Variants in TUSC3 observed in about 807,000 individuals in gnomAD.
TUSC3 encodes dolichyl-diphosphooligosaccharide--protein glycosyltransferase subunit TUSC3.
TUSC3 carries 45 observed loss-of-function variants against 44.8 expected under a neutral mutation model. The ratio of observed to expected loss-of-function variants is 1.00; its 90% confidence interval spans 0.79 to 1.29. The LOEUF (loss-of-function observed/expected upper bound fraction) is 1.29. TUSC3 is among the 50% of genes most tolerant of loss of function. The probability of loss-of-function intolerance (pLI) is 0.00; values close to 1 mark genes in which losing one functional copy is unlikely to be tolerated. For missense variants in TUSC3, 519 were observed against 437.9 expected, an observed-to-expected ratio of 1.19 and a Z score of -1.65; for synonymous variants, 212 against 152.9, an observed-to-expected ratio of 1.39 and a Z score of -2.85.
intron 2 of TUSC3, among the ~76,000 whole-genome samples, chr8:15,624,187 A>G (rs1464108450): frequency 6.6e-6 from 1 of 152,220 alleles, no homozygotes; most frequent in Non-Finnish European, 1.5e-5. Flanking sequence ...ATGTTCCATT[A>G]TATGGATGTA....
At chr8:15,776,621 C>G in the TUSC3 span, among the ~76,000 whole-genome samples, 1 of 152,064 alleles carries the variant, frequency 6.6e-6, no homozygotes, top group Non-Finnish European at 1.5e-5. Flanking sequence ...TGTGCTAGAT[C>G]CTCGAATCAA....
chr8:15,848,135 G>C, the TUSC3 span, among the ~76,000 whole-genome samples: 9 of 152,050 alleles, frequency 5.9e-5, no homozygotes, highest in Admixed American at 5.9e-4. Context: ...TTCCCCCCGA[G>C]TGAAGTAAGC....
At chr8:15,681,685 T>G (rs894269819) in intron 6 of TUSC3, among the ~76,000 whole-genome samples, 2 of 152,106 alleles carry the variant, frequency 1.3e-5, no homozygotes, top group African/African-American at 2.4e-5. Context: ...TATGCTCTGA[T>G]TTTAGTTATT....
At chr8:15,640,488 A>G (rs925955584) in intron 2 of TUSC3, among the ~76,000 whole-genome samples, 4 of 152,322 alleles carry the variant, frequency 2.6e-5, no homozygotes, top group Middle Eastern at 3.4e-3. Context: ...CAACCTTTTA[A>G]TAATTCTGAA....
chr8:15,487,899 A>ATT (rs11307186), intron 2 of TUSC3, among the ~76,000 whole-genome samples: 98 of 138,354 alleles, frequency 7.1e-4, no homozygotes, highest in South Asian at 2.5e-3. Context: ...TGTGCTGGCA[A>ATT]TTTTTTTTTT....
At position 15,591,542 on chromosome 8, in the gene TUSC3, A is replaced by C. The variant is rs10216449; in HGVS notation, c.139-31538A>C. ...AATTCTAGTAGAAGACAGAAGTATC[A>C]AGCGAGTAAGCATACAGTTAAATGT... On this transcript the variant is annotated intron_variant, in intron 1 of 10. Transcript: ENST00000503731. Among the ~76,000 whole-genome samples, 523 of 152,382 alleles carry C rather than the reference A, an allele frequency of 3.4e-3. 6 individuals are homozygous for C. Among genetic ancestry groups the C allele is most frequent in the African/African-American group, 0.012 (503 of 41,592 alleles).
chr8:15,614,844 A>G (rs965275850), intron 1 of TUSC3, among the ~76,000 whole-genome samples: 2 of 151,362 alleles, frequency 1.3e-5, no homozygotes, highest in African/African-American at 2.4e-5. Context: ...TATGAAACAG[A>G]CTCCTTGGGT....
intron 2 of TUSC3, 25 bp from the exon 3 acceptor site, chr8:15,650,672 T>C: frequency 6.2e-7 from 1 of 1,601,908 alleles, no homozygotes; most frequent in Non-Finnish European, 8.6e-7. Context: ...GATGTGTTTC[T>C]ACTATGGCCC....
At chr8:15,801,071 T>G in the TUSC3 span, among the ~76,000 whole-genome samples, 1 of 152,154 alleles carries the variant, frequency 6.6e-6, no homozygotes, top group African/African-American at 2.4e-5. Context: ...GTTTGTAAAG[T>G]GAAAGCAAGT....
chr8:15,540,583 C>A lies in TUSC3; in HGVS notation c.138+15C>A. 6.4e-7 allele frequency: 1 copy of A among 1,551,564 alleles called. No homozygotes were observed. ...AGAAAAAGGAGGTAGAATGGATCCC[C>A]TTGGCCTTCCCCTGTGGGCGGGGGC... is the stretch of plus-strand genomic sequence containing the variant. On this transcript the variant is annotated intron_variant, in intron 1 of 10. Transcript: ENST00000503731.
At chr8:15,622,806 C>G (rs904816569) in intron 1 of TUSC3, among the ~76,000 whole-genome samples, 1 of 143,264 alleles carries the variant, frequency 7.0e-6, no homozygotes, top group Admixed American at 6.9e-5. Flanking sequence ...TTTTCTTGAG[C>G]CTTCTTTTTT....
chr8:15,730,167 A>G (rs1299128990), intron 6 of TUSC3, among the ~76,000 whole-genome samples: 1 of 152,126 alleles, frequency 6.6e-6, no homozygotes, highest in Non-Finnish European at 1.5e-5. Flanking sequence ...ACTACTCAGT[A>G]GGGTGAAAAC....
At chr8:15,449,142 C>A (rs1278332940) in intron 1 of TUSC3, among the ~76,000 whole-genome samples, 1 of 151,942 alleles carries the variant, frequency 6.6e-6, no homozygotes, top group Non-Finnish European at 1.5e-5. Flanking sequence ...AAGCCTCTGG[C>A]CAGAAGCTGA....
At chr8:15,623,398 G>C in intron 2 of TUSC3, 149 bp downstream of exon 2, 1 of 857,162 alleles carries the variant, frequency 1.2e-6, no homozygotes. Context: ...TGAAAAATCA[G>C]TGTATTTTAG....
At chr8:15,796,416 G>A in the TUSC3 span, among the ~76,000 whole-genome samples, 9 of 152,138 alleles carry the variant, frequency 5.9e-5, no homozygotes, top group Admixed American at 4.6e-4. Context: ...AGGCCACTGG[G>A]AACAGCCTAA....
chr8:15,565,993 A>C (rs956637781), intron 1 of TUSC3, among the ~76,000 whole-genome samples: 26 of 152,156 alleles, frequency 1.7e-4, no homozygotes, highest in African/African-American at 6.3e-4. Flanking sequence ...ACTAAATACC[A>C]AAACAAATAT....
At chr8:15,707,626 A>G (rs962355010) in intron 6 of TUSC3, among the ~76,000 whole-genome samples, 10 of 152,052 alleles carry the variant, frequency 6.6e-5, no homozygotes, top group African/African-American at 2.4e-4. Flanking sequence ...GAGAGCAAAG[A>G]TGGAACAGCA....
At chr8:15,760,408 T>C (rs1421240) in intron 10 of TUSC3, among the ~76,000 whole-genome samples, 65,397 of 151,912 alleles carry the variant, frequency 0.43, 14,598 homozygotes, top group Non-Finnish European at 0.5. Flanking sequence ...TACACCTATG[T>C]AGTAATATCA....
At chr8:15,709,696 A>G (rs1295317402) in intron 6 of TUSC3, among the ~76,000 whole-genome samples, 1 of 151,888 alleles carries the variant, frequency 6.6e-6, no homozygotes, top group Non-Finnish European at 1.5e-5. Context: ...TAGTCCTTAT[A>G]GTATCCTTAT....
Sources: allele counts gnomAD v4.1 joint callset (sites outside exome capture counted in the v4.1 genomes callset), GRCh38; gene constraint gnomAD v4.1.1; transcripts MANE v1.5; gene names NCBI Gene and HGNC (gene_info 2026-07-23, HGNC 2026-07-21).